The following TRAK1 variants were observed in gnomAD, a reference collection of about 807,000 sequenced individuals.
TRAK1 encodes trafficking kinesin-binding protein 1.
TRAK1 carries 33 observed loss-of-function variants against 92.1 expected under a neutral mutation model. The observed-to-expected ratio is 0.36, with a 90% CI of 0.27 to 0.48. The LOEUF (loss-of-function observed/expected upper bound fraction) is 0.48, where lower values mean the gene tolerates loss of function less well. Among genes scored for constraint, TRAK1 ranks in the 20% least tolerant of loss-of-function variants. The pLI is 0.99. For missense variants in TRAK1, 1,123 were observed against 1,257.9 expected, an observed-to-expected ratio of 0.89 and a Z score of 1.62; for synonymous variants, 521 against 517.3, an observed-to-expected ratio of 1.01 and a Z score of -0.10.
chr3:42,146,481 T>C (rs1471592402), intron 2 of TRAK1: 3 of 157,698 alleles, frequency 1.9e-5, no homozygotes, highest in African/African-American at 4.8e-5. Flanking sequence ...GGAACCTCCA[T>C]GTGTTCAGCT....
chr3:42,127,928 C>T (rs1309835364), intron 2 of TRAK1, among the ~76,000 whole-genome samples: 1 of 152,144 alleles, frequency 6.6e-6, no homozygotes, highest in Admixed American at 6.5e-5. Flanking sequence ...CCTGTAATCC[C>T]AGCTCTTTGG....
chr3:42,075,043 T>C (rs1704091010), intron 1 of TRAK1, among the ~76,000 whole-genome samples: 1 of 152,224 alleles, frequency 6.6e-6, no homozygotes, highest in African/African-American at 2.4e-5. Context: ...TTTTGTTCTT[T>C]TTTTATGGCT....
intron 1 of TRAK1, among the ~76,000 whole-genome samples, chr3:42,057,005 G>A (rs1382856767): frequency 2.6e-5 from 4 of 152,214 alleles, no homozygotes; most frequent in Admixed American, 2.6e-4. Flanking sequence ...GCCGTGCACA[G>A]CTGCCATGAA....
chr3:42,133,480 G>C (rs1398474233), intron 2 of TRAK1, among the ~76,000 whole-genome samples: 1 of 152,162 alleles, frequency 6.6e-6, no homozygotes, highest in East Asian at 1.9e-4. Flanking sequence ...TCAGCCTTCT[G>C]AGTAGGCTGG....
At chr3:42,115,497 G>A (rs749253952) in intron 1 of TRAK1, among the ~76,000 whole-genome samples, 4 of 152,194 alleles carry the variant, frequency 2.6e-5, no homozygotes, top group African/African-American at 7.2e-5. Flanking sequence ...ATGTGTCACC[G>A]GGGCTGGTGC....
At position 42,030,372 on chromosome 3, in the gene TRAK1, A is replaced by AATAT. The variant is rs1553701575; in HGVS notation, c.-519+16270_-519+16273dup. On this transcript the variant is annotated intron_variant, in intron 1 of 16. Coordinates refer to the TRAK1 transcript ENST00000487159. The stretch of plus-strand genomic sequence containing the variant: ...GCGAGACCCTGTCTCTAAAAAAAAA[A>AATAT]ATATATATATATATATATGGCCGGG... Among the ~76,000 whole-genome samples the AATAT allele has an allele frequency of 1.5e-3, 195 of 132,292 alleles. 1 individual carries two copies. Among genetic ancestry groups the AATAT allele is most frequent in the South Asian group, 2.5e-3 (10 of 3,944 alleles). 86.8% of individuals were successfully genotyped at this position (132,292 alleles called of 152,430 possible).
chr3:42,112,236 G>T (rs1288857527), intron 1 of TRAK1, among the ~76,000 whole-genome samples: 2 of 146,840 alleles, frequency 1.4e-5, no homozygotes, highest in Non-Finnish European at 3.0e-5. Context: ...CCGCCTCCTG[G>T]GTTCAAGAGT....
At chr3:42,188,602 T>A (rs56021620) in intron 5 of TRAK1, among the ~76,000 whole-genome samples, 8,873 of 152,318 alleles carry the variant, frequency 0.058, 272 homozygotes, top group Middle Eastern at 0.085. Flanking sequence ...AGCTGCATGC[T>A]GTTGGCTAGG....
At chr3:42,042,035 G>A (rs1178065612) in intron 1 of TRAK1, among the ~76,000 whole-genome samples, 1 of 151,982 alleles carries the variant, frequency 6.6e-6, no homozygotes, top group African/African-American at 2.4e-5. Flanking sequence ...CAGGTGATCC[G>A]CTTGCCTCGG....
chr3:42,038,727 G>A (rs1037098368), intron 1 of TRAK1, among the ~76,000 whole-genome samples: 2 of 149,542 alleles, frequency 1.3e-5, no homozygotes, highest in Non-Finnish European at 3.0e-5. Context: ...GGCAGAGGTT[G>A]CAGTGAGGTG....
chr3:42,160,708 A>G (rs980557887), intron 2 of TRAK1, among the ~76,000 whole-genome samples: 3 of 151,908 alleles, frequency 2.0e-5, no homozygotes, highest in African/African-American at 4.8e-5. Context: ...TCTAGTTTAC[A>G]TCTACCTTCC....
chr3:42,107,113 G>A (rs1661621973), intron 1 of TRAK1, among the ~76,000 whole-genome samples: 1 of 152,220 alleles, frequency 6.6e-6, no homozygotes, highest in Non-Finnish European at 1.5e-5. Flanking sequence ...GGGGAGGGAT[G>A]TGGGCCTTGA....
chr3:42,108,226 C>T (rs1293538322), intron 1 of TRAK1, among the ~76,000 whole-genome samples: 1 of 152,056 alleles, frequency 6.6e-6, no homozygotes, highest in Non-Finnish European at 1.5e-5. Context: ...GGCAGTGGCT[C>T]AAGCCTGTAA....
intron 1 of TRAK1, among the ~76,000 whole-genome samples, chr3:42,098,952 G>T (rs1402042399): frequency 6.6e-6 from 1 of 152,052 alleles, no homozygotes. Context: ...TGGACAGGAA[G>T]TGGGCGGTAG....
chr3:42,066,975 T>C (rs1392357675), intron 1 of TRAK1, among the ~76,000 whole-genome samples: 2 of 152,202 alleles, frequency 1.3e-5, no homozygotes, highest in Non-Finnish European at 2.9e-5. Context: ...GCTTCTTCTC[T>C]CAATACCACA....
chr3:42,054,793 C>T (rs892045478), intron 1 of TRAK1, among the ~76,000 whole-genome samples: 2 of 150,656 alleles, frequency 1.3e-5, no homozygotes, highest in Non-Finnish European at 2.9e-5. Flanking sequence ...ATTTTACAAA[C>T]TAACCATTGC....
At chr3:42,201,891 C>G (rs1042102793) in intron 12 of TRAK1, among the ~76,000 whole-genome samples, 1 of 142,876 alleles carries the variant, frequency 7.0e-6, no homozygotes. Context: ...CGGACACACA[C>G]ACACACACAC....
chr3:42,101,845 A>G (rs1004833999), intron 1 of TRAK1, among the ~76,000 whole-genome samples: 1 of 152,212 alleles, frequency 6.6e-6, no homozygotes, highest in Non-Finnish European at 1.5e-5. Context: ...TGGGAAGCCA[A>G]ATAGTATTCA....
rs9682658 is a variant in TRAK1 at position 42,184,911 on chromosome 3, G to A, written c.480+110G>A. On this transcript the variant is annotated intron_variant, in intron 4 of 15. Coordinates refer to ENST00000327628, the MANE Select transcript of TRAK1 (RefSeq NM_001042646.3). Reference sequence around the variant, plus strand: ...GAGTCCTAGTTGGAAGGACGCTCCCGAGGGCACGACCGCGGCCTGAGCCCA... The same window carrying A: ...GAGTCCTAGTTGGAAGGACGCTCCCAAGGGCACGACCGCGGCCTGAGCCCA... The A allele has an allele frequency of 3.4e-3, 3,772 of 1,094,700 alleles. 56 individuals are homozygous for A. The African/African-American group carries it at 0.04, about 12-fold the overall frequency. The allele number at this position is 1,094,700 out of a possible 1,614,324, so 67.8% of individuals were successfully genotyped here. A position where few individuals can be genotyped will look rare whatever the true frequency, so the allele number is the denominator to read the frequency against.
Sources: gnomAD v4.1 joint callset for allele counts (sites outside exome capture counted in the v4.1 genomes callset) on GRCh38, gnomAD v4.1.1 for gene constraint, MANE v1.5 for transcripts, NCBI Gene and HGNC (gene_info 2026-07-23, HGNC 2026-07-21) for gene names.